Variants in CNTN3 observed in about 807,000 individuals in gnomAD.
CNTN3 encodes the protein contactin 3.
A neutral mutation model predicts 119.1 loss-of-function variants in CNTN3; 60 were observed. That is an observed-to-expected ratio of 0.50 (90% CI 0.41 to 0.62). The LOEUF (loss-of-function observed/expected upper bound fraction) is 0.62, where lower values mean the gene tolerates loss of function less well. Among genes scored for constraint, CNTN3 ranks in the 20% least tolerant of loss-of-function variants. The probability of loss-of-function intolerance (pLI) is 0.00; values close to 1 mark genes in which losing one functional copy is unlikely to be tolerated. For missense variants in CNTN3, 1,101 were observed against 1,242.4 expected (o/e 0.89, Z 1.71); for synonymous variants, 450 against 438.7 (o/e 1.03, Z -0.32).
In CNTN3 at chr3:74,410,718, C is replaced by T. The variant is rs573081282; in HGVS notation, c.454+14127G>A. On this transcript the variant is annotated intron_variant, in intron 5 of 22. Transcript: ENST00000263665. ...TACCGTAAGCCTGCCAGAATGGGTCCCCTTATCTGAAGATCAATGATTACA... is the reference window on the plus strand; with the variant it reads ...TACCGTAAGCCTGCCAGAATGGGTCTCCTTATCTGAAGATCAATGATTACA... 8.5e-5 allele frequency among the ~76,000 whole-genome samples: 13 copies of T among 152,132 alleles called. No homozygotes were observed. The East Asian group carries it at 2.5e-3, about 29-fold the overall frequency.
intron 1 of CNTN3, among the ~76,000 whole-genome samples, chr3:74,577,996 T>A (rs975631857): frequency 1.3e-5 from 2 of 152,120 alleles, no homozygotes; most frequent in African/African-American, 4.8e-5. Flanking sequence ...TCTGTACTTT[T>A]ATTGAAATAA....
chr3:74,278,320 A>G (rs772649033), intron 20 of CNTN3, among the ~76,000 whole-genome samples: 51 of 152,314 alleles, frequency 3.3e-4, no homozygotes, highest in African/African-American at 1.1e-3. Context: ...AGCAAAAAGA[A>G]CAAATCTAGA....
intron 1 of CNTN3, among the ~76,000 whole-genome samples, chr3:74,608,866 CT>C (rs1288134295): frequency 6.6e-6 from 1 of 152,038 alleles, no homozygotes; most frequent in African/African-American, 2.4e-5. Flanking sequence ...CATTTACCCC[CT>C]AAAGGAGAAA....
chr3:74,402,526 A>G (rs1575691060), intron 5 of CNTN3, among the ~76,000 whole-genome samples: 1 of 152,262 alleles, frequency 6.6e-6, no homozygotes, highest in East Asian at 1.9e-4. Flanking sequence ...GTAGGTGGCA[A>G]ATGACATTGT....
intron 13 of CNTN3, among the ~76,000 whole-genome samples, chr3:74,311,743 ACT>A (rs1174073101): frequency 1.4e-4 from 22 of 152,300 alleles, no homozygotes; most frequent in Admixed American, 7.8e-4. Flanking sequence ...AGAAGATGTC[ACT>A]CTCTCCTAAC....
At chr3:74,562,165 G>A (rs1416235316) in intron 1 of CNTN3, among the ~76,000 whole-genome samples, 1 of 152,070 alleles carries the variant, frequency 6.6e-6, no homozygotes, top group African/African-American at 2.4e-5. Context: ...CCAGCAGAAA[G>A]GATTGACAAA....
At chr3:74,332,123 T>A (rs1559550973) in intron 13 of CNTN3, among the ~76,000 whole-genome samples, 1 of 152,212 alleles carries the variant, frequency 6.6e-6, no homozygotes, top group Non-Finnish European at 1.5e-5. Context: ...TCAGCCTCCT[T>A]GTTCACATTT....
rs1420767076 is a variant in CNTN3, at chr3:74,558,966, G to A, written c.-80-37774C>T. 2.6e-5 allele frequency among the ~76,000 whole-genome samples: 3 copies of A among 115,060 alleles called. No individual in the cohort carries two copies. In the East Asian group the frequency reaches 6.9e-4, roughly 26 times the overall value. The allele number at this position is 115,060 out of a possible 152,430, so 75.5% of individuals were successfully genotyped here. A position where few individuals can be genotyped will look rare whatever the true frequency, so the allele number is the denominator to read the frequency against. On this transcript the variant is annotated intron_variant, in intron 1 of 22. Coordinates refer to ENST00000263665, the MANE Select transcript of CNTN3 (RefSeq NM_020872.3). The stretch of plus-strand genomic sequence containing the variant: ...TCACTGCACTCCAGCCTGGGTGACA[G>A]AGTGAGACCCTGTCTCAATAATAAT...
chr3:74,489,286 T>C (rs2107051897), intron 3 of CNTN3, among the ~76,000 whole-genome samples: 1 of 152,060 alleles, frequency 6.6e-6, no homozygotes, highest in East Asian at 1.9e-4. Context: ...ATCTAGACCA[T>C]CCCCAACAAG....
At chr3:74,449,700 A>C (rs1482050711) in intron 4 of CNTN3, among the ~76,000 whole-genome samples, 1 of 152,118 alleles carries the variant, frequency 6.6e-6, no homozygotes, top group African/African-American at 2.4e-5. Flanking sequence ...TTAAATTGTA[A>C]GCCTGGGTTG....
At chr3:74,348,285 C>G (rs1399623890) in intron 11 of CNTN3, among the ~76,000 whole-genome samples, 2 of 152,080 alleles carry the variant, frequency 1.3e-5, no homozygotes, top group East Asian at 3.9e-4. Flanking sequence ...ATACATATAT[C>G]AAAATATTAC....
At chr3:74,427,246 T>A (rs56941164) in intron 4 of CNTN3, among the ~76,000 whole-genome samples, 7,521 of 152,160 alleles carry the variant, frequency 0.049, 635 homozygotes, top group African/African-American at 0.17. Context: ...AGTGGCACTT[T>A]GCTGAAAAGG....
intron 11 of CNTN3, among the ~76,000 whole-genome samples, chr3:74,345,973 G>T (rs1703679162): frequency 1.3e-5 from 2 of 152,106 alleles, no homozygotes; most frequent in South Asian, 4.1e-4. Flanking sequence ...CTGTTCTAAA[G>T]AAACTTACAT....
At chr3:74,522,950 T>C (rs182715130) in intron 1 of CNTN3, among the ~76,000 whole-genome samples, 33 of 151,846 alleles carry the variant, frequency 2.2e-4, no homozygotes, top group African/African-American at 7.5e-4. Context: ...ACGTGATTGA[T>C]GGCCAAAATT....
At chr3:74,453,892 C>A (rs1702210701) in intron 4 of CNTN3, among the ~76,000 whole-genome samples, 1 of 151,702 alleles carries the variant, frequency 6.6e-6, no homozygotes, top group Non-Finnish European at 1.5e-5. Context: ...AGTTTAATTT[C>A]TATTCTTTTA....
chr3:74,299,451 G>A (rs530517676), intron 17 of CNTN3, among the ~76,000 whole-genome samples: 1 of 152,250 alleles, frequency 6.6e-6, no homozygotes, highest in Non-Finnish European at 1.5e-5. Flanking sequence ...CTGCACAGCT[G>A]CTTGGAAAGT....
intron 1 of CNTN3, among the ~76,000 whole-genome samples, chr3:74,543,884 C>A (rs752198522): frequency 6.6e-6 from 1 of 152,142 alleles, no homozygotes; most frequent in Non-Finnish European, 1.5e-5. Flanking sequence ...ACCACCTAAT[C>A]AAGTCTTCAT....
At chr3:74,445,262 T>G (rs1702030247) in intron 4 of CNTN3, among the ~76,000 whole-genome samples, 1 of 152,158 alleles carries the variant, frequency 6.6e-6, no homozygotes, top group South Asian at 2.1e-4. Flanking sequence ...GTTTTGATTT[T>G]TTGTTTTTGG....
At chr3:74,316,149 C>G (rs887574732) in intron 13 of CNTN3, among the ~76,000 whole-genome samples, 1 of 152,038 alleles carries the variant, frequency 6.6e-6, no homozygotes, top group Non-Finnish European at 1.5e-5. Context: ...CAATCAAAAA[C>G]ATAACCCTGA....
Sources: allele counts gnomAD v4.1 joint callset (sites outside exome capture counted in the v4.1 genomes callset), GRCh38; gene constraint gnomAD v4.1.1; transcripts MANE v1.5; gene names NCBI Gene and HGNC (gene_info 2026-07-23, HGNC 2026-07-21).